Variants in STARD3NL observed in about 807,000 individuals in gnomAD.
STARD3NL encodes the protein STARD3 N-terminal like, also known as STARD3 N-terminal-like protein.
In STARD3NL, 17 loss-of-function variants were observed where a neutral mutation model predicts 30.9. The observed-to-expected ratio is 0.55, with a 90% CI of 0.38 to 0.82. The LOEUF (loss-of-function observed/expected upper bound fraction) is 0.82. Among genes scored for constraint, STARD3NL ranks in the 40% least tolerant of loss-of-function variants. The pLI is 0.00. For missense variants in STARD3NL, 234 were observed against 277.6 expected (o/e 0.84, Z 1.12); for synonymous variants, 112 against 100.5 (o/e 1.11, Z -0.69).
At chr7:38,216,897 A>G (rs1786151647) in intron 4 of STARD3NL, 128 bp from the exon 5 acceptor site, 1 of 1,072,218 alleles carries the variant, frequency 9.3e-7, no homozygotes, top group Non-Finnish European at 1.4e-6. Flanking sequence ...TATGGGAAGG[A>G]GCCAGGCTAG....
chr7:38,228,458 A>G (rs1243846472), intron 7 of STARD3NL, among the ~76,000 whole-genome samples: 5 of 152,230 alleles, frequency 3.3e-5, no homozygotes, highest in African/African-American at 7.2e-5. Flanking sequence ...ACCAAGCTCA[A>G]CATTTTTGCA....
intron 1 of STARD3NL, among the ~76,000 whole-genome samples, chr7:38,190,193 G>C (rs575182793): frequency 6.6e-6 from 1 of 152,128 alleles, no homozygotes; most frequent in East Asian, 1.9e-4. Context: ...CTGGACAAAG[G>C]GGTGATTCAT....
rs1030846037 is a variant in STARD3NL at position 38,207,493 on chromosome 7, CCCT to C, written c.-6_-4del. 1.1e-5 allele frequency: 18 copies of C among 1,612,642 alleles called. No individual in the cohort carries two copies. The highest frequency in any genetic ancestry group is 1.5e-5 in the Non-Finnish European group (18 of 1,179,106). Reference sequence around the variant, plus strand: ...TGAGGTTGGAAAAAGGCTCCTGTAACCCTCCTCCAGGATGAACCACCTGCCAGA... The same window carrying C: ...TGAGGTTGGAAAAAGGCTCCTGTAACCCTCCAGGATGAACCACCTGCCAGA... On this transcript the variant is annotated 5_prime_UTR_variant, in exon 2 of 9. Transcript: ENST00000009041.
At chr7:38,179,967 G>A (rs1308361002) in intron 1 of STARD3NL, among the ~76,000 whole-genome samples, 1 of 152,244 alleles carries the variant, frequency 6.6e-6, no homozygotes, top group Non-Finnish European at 1.5e-5. Context: ...CGTGTGGCTG[G>A]AGCTGAGTGA....
At chr7:38,218,865 ATCT>A (rs1231758737) in intron 6 of STARD3NL, among the ~76,000 whole-genome samples, 1 of 152,054 alleles carries the variant, frequency 6.6e-6, no homozygotes, top group Admixed American at 6.5e-5. Context: ...AATATTTGTC[ATCT>A]TGATTGTTCT....
intron 4 of STARD3NL, chr7:38,215,335 A>G (rs1048878318): frequency 5.9e-6 from 3 of 509,714 alleles, no homozygotes; most frequent in African/African-American, 3.9e-5. Context: ...TGAGGAATCT[A>G]GAAGCCCAAC....
chr7:38,221,441 T>C (rs559130686), intron 7 of STARD3NL, among the ~76,000 whole-genome samples: 5 of 152,204 alleles, frequency 3.3e-5, no homozygotes, highest in Non-Finnish European at 7.4e-5. Context: ...ATATTCTTAA[T>C]GCCTGGCATA....
intron 7 of STARD3NL, among the ~76,000 whole-genome samples, chr7:38,224,710 A>G (rs534533581): frequency 1.3e-5 from 2 of 152,324 alleles, no homozygotes; most frequent in Admixed American, 1.3e-4. Context: ...CTTGTGTTCA[A>G]GTAATCCTTA....
chr7:38,227,548 G>A (rs1786841417), intron 7 of STARD3NL, among the ~76,000 whole-genome samples: 2 of 152,080 alleles, frequency 1.3e-5, no homozygotes, highest in Admixed American at 1.3e-4. Context: ...AAAAAAAAAT[G>A]TCCTTTTTAA....
At chr7:38,178,580 G>T (rs1174923606) in intron 1 of STARD3NL, among the ~76,000 whole-genome samples, 160 bp downstream of exon 1, 1 of 152,214 alleles carries the variant, frequency 6.6e-6, no homozygotes, top group East Asian at 1.9e-4. Context: ...GGGAGGAGGA[G>T]GGGCGAGGCA....
intron 7 of STARD3NL, 104 bp downstream of exon 7, chr7:38,219,764 C>A: frequency 2.2e-6 from 2 of 902,358 alleles, no homozygotes; most frequent in Non-Finnish European, 3.6e-6. Flanking sequence ...TAGCTAACAT[C>A]TAACATGCCA....
intron 1 of STARD3NL, among the ~76,000 whole-genome samples, chr7:38,196,692 A>G (rs1203196454): frequency 1.3e-5 from 2 of 152,188 alleles, no homozygotes; most frequent in Non-Finnish European, 2.9e-5. Flanking sequence ...GTTTATTTAA[A>G]TGCCTTATAG....
chr7:38,187,970 A>T (rs1458811779), intron 1 of STARD3NL, among the ~76,000 whole-genome samples: 1 of 152,066 alleles, frequency 6.6e-6, no homozygotes, highest in African/African-American at 2.4e-5. Context: ...CCTTACTTGG[A>T]ACCAATCTAT....
At position 38,178,299 on chromosome 7, in the gene STARD3NL, T is replaced by C. The variant is rs1029708121; in HGVS notation, c.-180T>C. 5 of 152,168 alleles carry C rather than the reference T, an allele frequency of 3.3e-5. No individual in the cohort carries two copies. The highest frequency in any genetic ancestry group is 7.2e-5 in the African/African-American group (3 of 41,406). The allele number at this position is 152,168 out of a possible 1,614,324, so 9.4% of individuals were successfully genotyped here. ...CTGGGTGCGGGCGGTGGGCTGCGCG[T>C]TGTCCGCTGGACTGGGTCCCGGTCA... On this transcript the variant is annotated 5_prime_UTR_variant, in exon 1 of 9. Transcript: ENST00000009041.
chr7:38,204,311 A>G (rs1350292003), intron 1 of STARD3NL, among the ~76,000 whole-genome samples: 11 of 152,352 alleles, frequency 7.2e-5, no homozygotes, highest in Admixed American at 3.3e-4. Context: ...CAATCAAACT[A>G]GAACTCAGGA....
At chr7:38,183,376 CTACCCA>C (rs1784324597) in intron 1 of STARD3NL, among the ~76,000 whole-genome samples, 1 of 152,186 alleles carries the variant, frequency 6.6e-6, no homozygotes, top group Admixed American at 6.5e-5. Context: ...TCTCTGGCCC[CTACCCA>C]CTAGAAGCTA....
chr7:38,223,774 T>C (rs1352472382), intron 7 of STARD3NL, among the ~76,000 whole-genome samples: 1 of 152,228 alleles, frequency 6.6e-6, no homozygotes, highest in Non-Finnish European at 1.5e-5. Flanking sequence ...TTGCCAGGGA[T>C]ACTGAATTAT....
intron 1 of STARD3NL, among the ~76,000 whole-genome samples, chr7:38,182,033 C>G (rs1294095682): frequency 6.6e-6 from 1 of 152,158 alleles, no homozygotes; most frequent in Non-Finnish European, 1.5e-5. Flanking sequence ...CTTTTGGGAG[C>G]CTCTCTTTGA....
At chr7:38,198,707 GTC>G (rs1157542664) in intron 1 of STARD3NL, among the ~76,000 whole-genome samples, 1 of 152,220 alleles carries the variant, frequency 6.6e-6, no homozygotes, top group African/African-American at 2.4e-5. Flanking sequence ...GAGGTGCACA[GTC>G]TCTCTCTTCT....
Sources: allele counts gnomAD v4.1 joint callset (sites outside exome capture counted in the v4.1 genomes callset), GRCh38; gene constraint gnomAD v4.1.1; transcripts MANE v1.5; gene names NCBI Gene and HGNC (gene_info 2026-07-23, HGNC 2026-07-21).